Variants in STK32B observed in about 807,000 individuals in gnomAD.
The protein encoded by STK32B is serine/threonine-protein kinase 32B.
A neutral mutation model predicts 52.6 loss-of-function variants in STK32B; 43 were observed. That is an observed-to-expected ratio of 0.82 (90% CI 0.64 to 1.05). The LOEUF (loss-of-function observed/expected upper bound fraction) is 1.05, where lower values mean the gene tolerates loss of function less well. Ranked by LOEUF, STK32B falls within the 50% of genes least tolerant of loss-of-function variation. The probability of loss-of-function intolerance (pLI) is 0.00; values close to 1 mark genes in which losing one functional copy is unlikely to be tolerated. For synonymous variants in STK32B, 238 were observed against 204.3 expected (o/e 1.17, Z -1.41); for missense variants, 621 against 534.6 (o/e 1.16, Z -1.59).
chr4:5,305,290 A>G (rs1729853195), intron 3 of STK32B, among the ~76,000 whole-genome samples: 1 of 152,034 alleles, frequency 6.6e-6, no homozygotes, highest in African/African-American at 2.4e-5. Flanking sequence ...TGAATGTCTG[A>G]TAGAAATCAG....
chr4:5,247,364 C>T (rs1365868149), intron 3 of STK32B, among the ~76,000 whole-genome samples: 2 of 152,230 alleles, frequency 1.3e-5, no homozygotes, highest in Non-Finnish European at 2.9e-5. Flanking sequence ...GCGTAGGACC[C>T]TCTGAGCCAT....
chr4:5,407,803 G>A (rs1294761512), intron 5 of STK32B, among the ~76,000 whole-genome samples: 2 of 152,054 alleles, frequency 1.3e-5, no homozygotes, highest in African/African-American at 4.8e-5. Context: ...GATTACAATT[G>A]TCCCTCTTCC....
chr4:5,469,857 TG>T lies in STK32B; in HGVS notation c.1106+1789del, dbSNP rs1717716739. On this transcript the variant is annotated intron_variant, in intron 11 of 11. Coordinates refer to ENST00000282908, the MANE Select transcript of STK32B (RefSeq NM_018401.3). The surrounding 1 kb of genome is among the most constrained non-coding windows in gnomAD (Gnocchi z 4.7). ...TTCGGAGCTTATCCCAATTTGCCTGTGGTCCTGCCTGCTCTGAGGCTCATGG... is the reference window on the plus strand; with the variant it reads ...TTCGGAGCTTATCCCAATTTGCCTGTGTCCTGCCTGCTCTGAGGCTCATGG... Among the ~76,000 whole-genome samples, 1 of 152,228 alleles carries T rather than the reference TG, an allele frequency of 6.6e-6. No homozygotes were observed. The highest frequency in any genetic ancestry group is 1.5e-5 in the Non-Finnish European group (1 of 68,042).
At chr4:5,452,306 C>T (rs746674111) in intron 7 of STK32B, among the ~76,000 whole-genome samples, 30 of 151,834 alleles carry the variant, frequency 2.0e-4, no homozygotes, top group Non-Finnish European at 3.1e-4. Context: ...AGAGCTCCGC[C>T]GAGAGGTGAG....
Position 5,467,987 on chromosome 4 carries a change from C to T in STK32B, c.1042-19C>T, listed in dbSNP as rs114824073. Reference sequence around the variant, plus strand: ...GACCGTGCTTTGTCATTTAGTCACCCCTCTGTGCTCTTTGACAGAATGGAC... The same window carrying T: ...GACCGTGCTTTGTCATTTAGTCACCTCTCTGTGCTCTTTGACAGAATGGAC... On this transcript the variant is annotated intron_variant, in intron 10 of 11. Transcript: ENST00000282908. The surrounding 1 kb of genome is among the most constrained non-coding windows in gnomAD (Gnocchi z 5.8). 1,609 of 1,613,976 alleles carry T rather than the reference C, an allele frequency of 1.0e-3. 20 individuals carry two copies. In the African/African-American group the frequency reaches 0.019, roughly 19 times the overall value.
Position 5,421,381 on chromosome 4 carries a change from T to A in STK32B, c.562+4447T>A, listed in dbSNP as rs7669916. ...CTGGGATTACAGGCATGAGCCACCA[T>A]GCCTGGCTAATTTTTGCATTTTTAG... On this transcript the variant is annotated intron_variant, in intron 6 of 11. Transcript: ENST00000282908. Among the ~76,000 whole-genome samples the A allele has an allele frequency of 3.1e-3, 467 of 151,718 alleles. 3 individuals are homozygous for A. The highest frequency in any genetic ancestry group is 0.014 in the Middle Eastern group (4 of 292).
At chr4:5,023,428 TC>T in the STK32B span, among the ~76,000 whole-genome samples, 2 of 152,212 alleles carry the variant, frequency 1.3e-5, no homozygotes, top group Non-Finnish European at 2.9e-5. Context: ...CTTGCATACG[TC>T]CCTGGACAGG....
At chr4:5,178,032 C>T (rs1312895367) in intron 3 of STK32B, among the ~76,000 whole-genome samples, 1 of 152,218 alleles carries the variant, frequency 6.6e-6, no homozygotes, top group Admixed American at 6.5e-5. Flanking sequence ...TACAGCTCCA[C>T]TAGGCAGTGC....
intron 4 of STK32B, among the ~76,000 whole-genome samples, chr4:5,332,939 A>C (rs553811937): frequency 2.0e-5 from 3 of 152,126 alleles, no homozygotes; most frequent in Non-Finnish European, 4.4e-5. Context: ...TATTGTGAAT[A>C]GTGCCGCAAT....
At chr4:5,187,501 C>T (rs1184832764) in intron 3 of STK32B, among the ~76,000 whole-genome samples, 1 of 149,472 alleles carries the variant, frequency 6.7e-6, no homozygotes, top group Non-Finnish European at 1.5e-5. Context: ...GTTATTTGTG[C>T]AAAATATATA....
At chr4:5,367,813 A>C (rs1223010197) in intron 4 of STK32B, among the ~76,000 whole-genome samples, 1 of 152,134 alleles carries the variant, frequency 6.6e-6, no homozygotes, top group Non-Finnish European at 1.5e-5. Flanking sequence ...GGTGGATTCC[A>C]TTATATTCCA....
intron 11 of STK32B, among the ~76,000 whole-genome samples, chr4:5,492,513 G>A (rs531338529): frequency 6.4e-4 from 97 of 151,828 alleles, no homozygotes; most frequent in South Asian, 2.3e-3. Flanking sequence ...CAATCATGTC[G>A]TCTGCAAAGA....
chr4:5,497,347 A>G (rs1344604730), intron 11 of STK32B, among the ~76,000 whole-genome samples: 2 of 152,240 alleles, frequency 1.3e-5, no homozygotes, highest in African/African-American at 4.8e-5. Context: ...AAAATAAACT[A>G]TATATTTACT....
chr4:5,130,097 C>A (rs143377898), intron 1 of STK32B, among the ~76,000 whole-genome samples: 5 of 151,356 alleles, frequency 3.3e-5, no homozygotes, highest in Non-Finnish European at 2.9e-5. Flanking sequence ...ACAAAAGAAA[C>A]GGCAGTGAGG....
At chr4:5,155,593 G>A (rs1717760777) in intron 2 of STK32B, among the ~76,000 whole-genome samples, 1 of 152,110 alleles carries the variant, frequency 6.6e-6, no homozygotes, top group Non-Finnish European at 1.5e-5. Flanking sequence ...ATCCCTACCT[G>A]TCAAGGGAGG....
intron 1 of STK32B, among the ~76,000 whole-genome samples, chr4:5,108,595 G>T (rs1347225526): frequency 6.6e-6 from 1 of 152,176 alleles, no homozygotes; most frequent in Non-Finnish European, 1.5e-5. Flanking sequence ...AGAACTTAAA[G>T]ATTTATTTGT....
Position 5,395,811 on chromosome 4 carries a change from C to T in STK32B, c.435-2396C>T, listed in dbSNP as rs1171343462. ...GTCAAAAGTGAGACTGGAGTTGGAACACAGACTGTCTAGATCATGGGCTGA... is the reference window on the plus strand; with the variant it reads ...GTCAAAAGTGAGACTGGAGTTGGAATACAGACTGTCTAGATCATGGGCTGA... On this transcript the variant is annotated intron_variant, in intron 4 of 11. Transcript: ENST00000282908. The surrounding 1 kb of genome is among the most constrained non-coding windows in gnomAD (Gnocchi z 4.4). 6.6e-6 allele frequency among the ~76,000 whole-genome samples: 1 copy of T among 152,254 alleles called. No homozygotes were observed. Among genetic ancestry groups the T allele is most frequent in the African/African-American group, 2.4e-5 (1 of 41,472 alleles).
At chr4:5,159,657 A>G (rs1229879536) in intron 2 of STK32B, among the ~76,000 whole-genome samples, 1 of 78,724 alleles carries the variant, frequency 1.3e-5, no homozygotes, top group African/African-American at 6.5e-5. Flanking sequence ...ATATGAATAT[A>G]TATATGAATG....
chr4:5,186,671 G>A (rs1007987024), intron 3 of STK32B, among the ~76,000 whole-genome samples: 4 of 152,106 alleles, frequency 2.6e-5, no homozygotes, highest in Non-Finnish European at 5.9e-5. Flanking sequence ...ATGTCCCTGG[G>A]GTTTTCCCAG....
Sources: allele counts gnomAD v4.1 joint callset (sites outside exome capture counted in the v4.1 genomes callset), GRCh38; gene constraint gnomAD v4.1.1; non-coding constraint Gnocchi (gnomAD v3.1); transcripts MANE v1.5; gene names NCBI Gene and HGNC (gene_info 2026-07-23, HGNC 2026-07-21).